The following SEPTIN2 variants were observed in gnomAD, a reference collection of about 807,000 sequenced individuals.
SEPTIN2 encodes septin-2.
A neutral mutation model predicts 46.5 loss-of-function variants in SEPTIN2; 34 were observed. The ratio of observed to expected loss-of-function variants is 0.73; its 90% CI spans 0.56 to 0.97. The LOEUF is 0.97. Ranked by LOEUF, SEPTIN2 falls within the 50% of genes least tolerant of loss-of-function variation. SEPTIN2 has a pLI of 0.00. For synonymous variants in SEPTIN2, 175 were observed against 153.4 expected (o/e 1.14, Z -1.04); for missense variants, 347 against 448.4 (o/e 0.77, Z 2.04).
chr2:241,318,296 A>G (rs1438751321), intron 1 of SEPTIN2: 2 of 152,214 alleles, frequency 1.3e-5, no homozygotes, highest in Non-Finnish European at 2.9e-5. Context: ...TGGTATTTCT[A>G]TGTTGCACTG....
chr2:241,351,155 C>T (rs2060756200), intron 12 of SEPTIN2, among the ~76,000 whole-genome samples: 1 of 152,084 alleles, frequency 6.6e-6, no homozygotes, highest in Non-Finnish European at 1.5e-5. Context: ...CTTGAGCCTT[C>T]AACGACATAC....
At chr2:241,349,066 T>C (rs1169200335) in intron 11 of SEPTIN2, among the ~76,000 whole-genome samples, 4 of 152,262 alleles carry the variant, frequency 2.6e-5, no homozygotes, top group African/African-American at 9.6e-5. Flanking sequence ...TGAATTAACA[T>C]TTACTATTTT....
intron 7 of SEPTIN2, among the ~76,000 whole-genome samples, chr2:241,338,311 A>G (rs1487562951): frequency 2.0e-5 from 3 of 152,084 alleles, no homozygotes; most frequent in Non-Finnish European, 4.4e-5. Context: ...ATTCTCTGCT[A>G]TATATTTTTA....
chr2:241,346,967 A>C lies in SEPTIN2; in HGVS notation c.926+718A>C, dbSNP rs550872756. The stretch of plus-strand genomic sequence containing the variant: ...CAAAGTCCTGCAGCCATCCTCACTC[A>C]CCTTTTCTTTTTAACCATTCTAATA... On this transcript the variant is annotated intron_variant, in intron 10 of 12. Transcript: ENST00000391971. Among the ~76,000 whole-genome samples the C allele has an allele frequency of 9.9e-5, 15 of 152,164 alleles. No homozygotes were observed. In the East Asian group the frequency reaches 2.3e-3, roughly 23 times the overall value.
intron 7 of SEPTIN2, among the ~76,000 whole-genome samples, chr2:241,339,615 C>T (rs764831603): frequency 6.6e-5 from 10 of 152,172 alleles, no homozygotes; most frequent in Non-Finnish European, 1.5e-4. Flanking sequence ...TGTCCAGTTT[C>T]CTGCTGATGA....
Position 241,348,124 on chromosome 2 carries a change from C to G in SEPTIN2, c.927-10C>G. 1 of 1,607,780 alleles carries G rather than the reference C, an allele frequency of 6.2e-7. No individual in the cohort carries two copies. The highest frequency in any genetic ancestry group is 1.1e-5 in the South Asian group (1 of 90,256). On this transcript the variant is annotated splice_polypyrimidine_tract_variant and intron_variant, in intron 10 of 12. Transcript: ENST00000391971. ...GCAGTGTTATGATTCTGATTTCTTTCGATTCTTAGGAAAGTGGAGAATGAG... is the reference window on the plus strand; with the variant it reads ...GCAGTGTTATGATTCTGATTTCTTTGGATTCTTAGGAAAGTGGAGAATGAG...
intron 1 of SEPTIN2, among the ~76,000 whole-genome samples, chr2:241,322,615 AAAAG>A (rs562298285): frequency 2.6e-5 from 4 of 152,054 alleles, no homozygotes; most frequent in South Asian, 2.1e-4. Flanking sequence ...CAAAAAAAAA[AAAAG>A]AAAAGAGAAA....
At chr2:241,350,498 T>C (rs1032205845) in intron 12 of SEPTIN2, among the ~76,000 whole-genome samples, 1 of 152,212 alleles carries the variant, frequency 6.6e-6, no homozygotes, top group Non-Finnish European at 1.5e-5. Context: ...ATACCAACAT[T>C]AGAAGGAAAT....
intron 7 of SEPTIN2, among the ~76,000 whole-genome samples, chr2:241,338,771 T>TATATTATATTTATATTATATATAATAC (rs1553690869): frequency 2.0e-3 from 86 of 43,926 alleles, no homozygotes; most frequent in Admixed American, 4.6e-3. Flanking sequence ...ATTGTTTATA[T>TATATTATATTTATATTATATATAATAC]ATATTATATT....
Position 241,323,860 on chromosome 2 carries a change from C to G in SEPTIN2, c.-17-356C>G, listed in dbSNP as rs1366827112. Reference sequence around the variant, plus strand: ...ATTTGATTGGCTACTATTGATTACACTTGAAGGGATTTGTTTAACTTCCTT... The same window carrying G: ...ATTTGATTGGCTACTATTGATTACAGTTGAAGGGATTTGTTTAACTTCCTT... On this transcript the variant is annotated intron_variant, in intron 1 of 12. Coordinates refer to ENST00000391971, the MANE Select transcript of SEPTIN2 (RefSeq NM_004404.5). Among the ~76,000 whole-genome samples the G allele has an allele frequency of 4.6e-5, 7 of 152,142 alleles. 1 individual carries two copies. Among genetic ancestry groups the G allele is most frequent in the Non-Finnish European group, 1.0e-4 (7 of 68,026 alleles).
rs1265157575 is a variant in SEPTIN2 at position 241,338,584 on chromosome 2, TAA to T, written c.594+800_594+801del. Among the ~76,000 whole-genome samples the T allele has an allele frequency of 1.4e-4, 19 of 134,330 alleles. 2 individuals carry two copies. The Admixed American group carries it at 1.6e-3, about 11-fold the overall frequency. 88.1% of individuals were successfully genotyped at this position (134,330 alleles called of 152,430 possible). ...CAGCAACATAGCAATACGCTGTCTC[TAA>T]AAAAATATATATATATATTTTATAT... On this transcript the variant is annotated intron_variant, in intron 7 of 12. Transcript: ENST00000391971.
intron 3 of SEPTIN2, among the ~76,000 whole-genome samples, chr2:241,331,321 T>C (rs571490734): frequency 6.6e-6 from 1 of 152,338 alleles, no homozygotes; most frequent in East Asian, 1.9e-4. Context: ...AAAACAGTGC[T>C]GAGAGAAATT....
chr2:241,324,037 G>T, intron 1 of SEPTIN2, 179 bp from the exon 2 acceptor site: 1 of 578,394 alleles, frequency 1.7e-6, no homozygotes, highest in Non-Finnish European at 3.1e-6. Flanking sequence ...AGCTGTCAGT[G>T]CTTAACTTTT....
rs776710775 is a variant in SEPTIN2, at chr2:241,353,611, T to C, written c.*1674T>C. On this transcript the variant is annotated 3_prime_UTR_variant, in exon 13 of 13. Coordinates refer to ENST00000391971, the MANE Select transcript of SEPTIN2 (RefSeq NM_004404.5). ...ATTGTGAACAGCCAAAAGCTATATG[T>C]TATGGCTTATTGTGTGAAGGTAACT... The C allele has an allele frequency of 1.1e-4, 17 of 152,454 alleles. No individual in the cohort carries two copies. Among genetic ancestry groups the C allele is most frequent in the Middle Eastern group, 3.4e-3 (1 of 294 alleles). 9.4% of individuals were successfully genotyped at this position (152,454 alleles called of 1,614,324 possible). A position where few individuals can be genotyped will look rare whatever the true frequency, so the allele number is the denominator to read the frequency against.
At chr2:241,342,243 T>A (rs1024960612) in intron 7 of SEPTIN2, among the ~76,000 whole-genome samples, 7 of 152,114 alleles carry the variant, frequency 4.6e-5, no homozygotes, top group Non-Finnish European at 8.8e-5. Flanking sequence ...TGTTTTTTTT[T>A]CTTTCTTTCT....
intron 9 of SEPTIN2, 49 bp from the exon 10 acceptor site, chr2:241,346,117 G>C: frequency 7.3e-7 from 1 of 1,373,688 alleles, no homozygotes; most frequent in South Asian, 1.2e-5. Flanking sequence ...TTTCTCATGA[G>C]AATGTCATGT....
Position 241,352,097 on chromosome 2 carries a change from T to C in SEPTIN2, c.*160T>C, listed in dbSNP as rs1248920268. 2 of 152,666 alleles carry C rather than the reference T, an allele frequency of 1.3e-5. No individual in the cohort carries two copies. The highest frequency in any genetic ancestry group is 2.9e-5 in the Non-Finnish European group (2 of 68,044). The allele number at this position is 152,666 out of a possible 1,614,324, so 9.5% of individuals were successfully genotyped here. Reference sequence around the variant, plus strand: ...TGAGAATTTAATTTTTAAAAGACTTTGATGTGTTTTTGTATGAAGTACTTT... The same window carrying C: ...TGAGAATTTAATTTTTAAAAGACTTCGATGTGTTTTTGTATGAAGTACTTT... On this transcript the variant is annotated 3_prime_UTR_variant, in exon 13 of 13. Transcript: ENST00000391971.
chr2:241,345,607 T>A (rs11901083), intron 9 of SEPTIN2, among the ~76,000 whole-genome samples: 2,059 of 152,310 alleles, frequency 0.014, 42 homozygotes, highest in African/African-American at 0.047. Context: ...TTAAAAAAAA[T>A]TTTTTAAGAG....
intron 12 of SEPTIN2, among the ~76,000 whole-genome samples, chr2:241,351,079 GTC>G (rs923638396): frequency 6.6e-6 from 1 of 152,140 alleles, no homozygotes; most frequent in African/African-American, 2.4e-5. Context: ...TTGGTAGAAG[GTC>G]TCTACTACAA....
Sources: allele counts gnomAD v4.1 joint callset (sites outside exome capture counted in the v4.1 genomes callset), GRCh38; gene constraint gnomAD v4.1.1; transcripts MANE v1.5; gene names NCBI Gene and HGNC (gene_info 2026-07-23, HGNC 2026-07-21).